Variants in MAGI2 observed in about 807,000 individuals in gnomAD.
The protein encoded by MAGI2 is membrane associated guanylate kinase, WW and PDZ domain containing 2, also known as membrane-associated guanylate kinase, WW and PDZ domain-containing protein 2.
In MAGI2, 35 loss-of-function variants were observed where a neutral mutation model predicts 133.3. That is an observed-to-expected ratio of 0.26 (90% confidence interval 0.20 to 0.35). The LOEUF is 0.35. MAGI2 is among the 10% of genes least tolerant of loss of function. MAGI2 has a pLI of 1.00. For synonymous variants in MAGI2, 729 were observed against 710.6 expected, an observed-to-expected ratio of 1.03 and a Z score of -0.41; for missense variants, 1,636 against 1,863.4, an observed-to-expected ratio of 0.88 and a Z score of 2.25.
At chr7:79,396,662 T>G (rs1248437386) in intron 1 of MAGI2, among the ~76,000 whole-genome samples, 1 of 151,282 alleles carries the variant, frequency 6.6e-6, no homozygotes, top group Non-Finnish European at 1.5e-5. Context: ...GAGTGTGTGC[T>G]ACCATAATTA....
chr7:78,235,975 T>C lies in MAGI2; in HGVS notation c.2047+19968A>G, dbSNP rs1790494250. ...ACATATTATACTAGAAATCTAGTAT[T>C]ATGATTCCAGTTAAAAGAGTTTTTC... is the stretch of plus-strand genomic sequence containing the variant. On this transcript the variant is annotated intron_variant, in intron 10 of 21. Coordinates refer to ENST00000354212, the MANE Select transcript of MAGI2 (RefSeq NM_012301.4). Among the ~76,000 whole-genome samples, 4 of 151,872 alleles carry C rather than the reference T, an allele frequency of 2.6e-5. No individual in the cohort carries two copies. In the South Asian group the frequency reaches 8.3e-4, roughly 32 times the overall value.
At chr7:78,603,476 A>G (rs529731900) in intron 3 of MAGI2, among the ~76,000 whole-genome samples, 144 of 152,282 alleles carry the variant, frequency 9.5e-4, no homozygotes, top group Middle Eastern at 3.4e-3. Flanking sequence ...ATGGATTAAA[A>G]CATTCAAGAT....
chr7:79,270,839 C>A (rs1585388107), intron 1 of MAGI2, among the ~76,000 whole-genome samples: 1 of 152,054 alleles, frequency 6.6e-6, no homozygotes, highest in Middle Eastern at 3.4e-3. Context: ...TTTTTCTTTC[C>A]CACATTCTCT....
intron 20 of MAGI2, among the ~76,000 whole-genome samples, chr7:78,104,014 A>C (rs1463110599): frequency 6.6e-6 from 1 of 152,306 alleles, no homozygotes; most frequent in East Asian, 1.9e-4. Context: ...GATTACCTGA[A>C]CACAGCCTGG....
intron 7 of MAGI2, among the ~76,000 whole-genome samples, chr7:78,363,514 A>AATG (rs1793063670): frequency 5.9e-5 from 2 of 33,622 alleles, no homozygotes; most frequent in South Asian, 1.2e-3. Flanking sequence ...TAATAATGAT[A>AATG]ATAATAATAA....
At chr7:78,587,897 C>G (rs968790403) in intron 3 of MAGI2, among the ~76,000 whole-genome samples, 6 of 152,130 alleles carry the variant, frequency 3.9e-5, no homozygotes, top group African/African-American at 9.7e-5. Flanking sequence ...ACATTGGTTA[C>G]AGATGAACAA....
At chr7:78,549,600 T>A (rs1344151028) in intron 3 of MAGI2, among the ~76,000 whole-genome samples, 3 of 152,142 alleles carry the variant, frequency 2.0e-5, no homozygotes, top group Non-Finnish European at 4.4e-5. Context: ...AACGAGTTAA[T>A]AAAATCCATC....
chr7:78,101,581 C>T (rs191398884), intron 20 of MAGI2, among the ~76,000 whole-genome samples: 1 of 152,260 alleles, frequency 6.6e-6, no homozygotes, highest in East Asian at 1.9e-4. Flanking sequence ...AATTATAAAA[C>T]CTGAAAATTT....
At chr7:78,987,568 C>T (rs950203447) in intron 2 of MAGI2, among the ~76,000 whole-genome samples, 2 of 151,882 alleles carry the variant, frequency 1.3e-5, no homozygotes, top group Non-Finnish European at 2.9e-5. Context: ...GTGATGAAAG[C>T]GATCAAGTTC....
intron 1 of MAGI2, among the ~76,000 whole-genome samples, chr7:79,187,632 T>C (rs1343035085): frequency 2.6e-5 from 4 of 151,890 alleles, no homozygotes; most frequent in Non-Finnish European, 5.9e-5. Context: ...TGATAGTAGA[T>C]CTGAATTGTT....
intron 1 of MAGI2, among the ~76,000 whole-genome samples, chr7:79,137,455 T>TTG (rs1554376838): frequency 4.0e-5 from 6 of 149,152 alleles, no homozygotes; most frequent in Admixed American, 4.0e-4. Flanking sequence ...TTTTTGTTTT[T>TTG]TTTTTTTTTT....
At chr7:78,681,222 G>A (rs1845921) in intron 2 of MAGI2, among the ~76,000 whole-genome samples, 7,362 of 149,210 alleles carry the variant, frequency 0.049, 239 homozygotes, top group Admixed American at 0.088. Flanking sequence ...TGAGACCCAC[G>A]GGTCAATAAC....
intron 1 of MAGI2, among the ~76,000 whole-genome samples, chr7:79,380,796 T>C (rs1843721965): frequency 6.6e-6 from 1 of 151,920 alleles, no homozygotes; most frequent in Admixed American, 6.6e-5. Context: ...TGGCTGCTGT[T>C]TGGCTTATGT....
At chr7:79,076,413 A>G (rs1471368284) in intron 1 of MAGI2, among the ~76,000 whole-genome samples, 2 of 152,234 alleles carry the variant, frequency 1.3e-5, no homozygotes, top group East Asian at 3.8e-4. Context: ...ATTTCCATCA[A>G]TTGTCTTATA....
At chr7:78,517,109 A>T (rs981968652) in intron 4 of MAGI2, among the ~76,000 whole-genome samples, 20 of 152,164 alleles carry the variant, frequency 1.3e-4, no homozygotes, top group African/African-American at 4.8e-4. Flanking sequence ...ATTTGAAGCC[A>T]TGGGGCTGAC....
intron 1 of MAGI2, among the ~76,000 whole-genome samples, chr7:79,283,225 A>C (rs1018049381): frequency 6.6e-6 from 1 of 152,102 alleles, no homozygotes; most frequent in Non-Finnish European, 1.5e-5. Context: ...TAATACACAG[A>C]TTTTAAAAGT....
At chr7:78,080,569 T>A (rs1365988808) in intron 20 of MAGI2, among the ~76,000 whole-genome samples, 3 of 152,148 alleles carry the variant, frequency 2.0e-5, no homozygotes, top group Non-Finnish European at 4.4e-5. Flanking sequence ...TGGCACAGAA[T>A]TAAACTGAAA....
At position 78,139,735 on chromosome 7, in the gene MAGI2, G is replaced by A. The variant is rs185613464; in HGVS notation, c.2846-4529C>T. Among the ~76,000 whole-genome samples the A allele has an allele frequency of 6.2e-4, 95 of 152,262 alleles. No homozygotes were observed. The South Asian group carries it at 6.4e-3, about 10-fold the overall frequency. On this transcript the variant is annotated intron_variant, in intron 16 of 21. Coordinates refer to ENST00000354212, the MANE Select transcript of MAGI2 (RefSeq NM_012301.4). ...TGCAGTATGTCATTTGGCTTTAGACGTACTGACATTTAGGAAGGAGATAAT... is the reference window on the plus strand; with the variant it reads ...TGCAGTATGTCATTTGGCTTTAGACATACTGACATTTAGGAAGGAGATAAT...
chr7:78,252,647 A>G (rs1563329817), intron 10 of MAGI2: 1 of 152,006 alleles, frequency 6.6e-6, no homozygotes, highest in Non-Finnish European at 1.5e-5. Context: ...CATATAAGAA[A>G]AAAAAAAACT....
Sources: gnomAD v4.1 joint callset for allele counts (sites outside exome capture counted in the v4.1 genomes callset) on GRCh38, gnomAD v4.1.1 for gene constraint, MANE v1.5 for transcripts, NCBI Gene and HGNC (gene_info 2026-07-23, HGNC 2026-07-21) for gene names.